The following LRRK2 variants were observed in gnomAD, a reference collection of about 807,000 sequenced individuals.
LRRK2 encodes leucine rich repeat kinase 2, also known as leucine-rich repeat serine/threonine-protein kinase 2.
Under a neutral mutation model 302.6 loss-of-function variants are expected in LRRK2, and 203 were observed. That is an observed-to-expected ratio of 0.67 (90% CI 0.60 to 0.75). The LOEUF (loss-of-function observed/expected upper bound fraction) is 0.75, where lower values mean the gene tolerates loss of function less well. Ranked by LOEUF, LRRK2 falls within the 30% of genes least tolerant of loss-of-function variation. LRRK2 has a pLI of 0.00. For synonymous variants in LRRK2, 1,066 were observed against 1,031.9 expected (o/e 1.03, Z -0.63); for missense variants, 2,830 against 2,951.0 (o/e 0.96, Z 0.95).
At position 40,246,155 on chromosome 12, in the gene LRRK2, T is replaced by A. The variant is rs181984535; in HGVS notation, c.838+2474T>A. Among the ~76,000 whole-genome samples the A allele has an allele frequency of 4.6e-5, 7 of 152,082 alleles. No homozygotes were observed. The East Asian group carries it at 1.3e-3, about 29-fold the overall frequency. Reference sequence around the variant, plus strand: ...TTTTATTTCTTCTTTGCTTTTGTTTTTTCAATGTGGGCTTTTAAATGTTTG... The same window carrying A: ...TTTTATTTCTTCTTTGCTTTTGTTTATTCAATGTGGGCTTTTAAATGTTTG... On this transcript the variant is annotated intron_variant, in intron 7 of 50. Transcript: ENST00000298910.
chr12:40,351,150 G>A (rs1001780060), intron 43 of LRRK2, among the ~76,000 whole-genome samples: 2 of 152,100 alleles, frequency 1.3e-5, no homozygotes, highest in Admixed American at 6.5e-5. Flanking sequence ...TGAAATTCCT[G>A]TTCCTTTCAA....
intron 22 of LRRK2, among the ~76,000 whole-genome samples, 191 bp downstream of exon 22, chr12:40,295,105 TTGAATA>T (rs1046556363): frequency 5.3e-5 from 8 of 152,122 alleles, no homozygotes; most frequent in African/African-American, 9.6e-5. Context: ...TTTACCTTTC[TTGAATA>T]TTATAGAACA....
In LRRK2 at chr12:40,322,640, A is replaced by G. The variant is rs552146766; in HGVS notation, c.5509+130A>G. ...AAATAGTATATTCAATTATAGGGAC[A>G]GTTCAGAAAACTGAATTATATTTAT... On this transcript the variant is annotated intron_variant, in intron 37 of 50. Transcript: ENST00000298910. The G allele has an allele frequency of 1.9e-5, 15 of 769,576 alleles. No homozygotes were observed. In the Admixed American group the frequency reaches 3.9e-4, roughly 20 times the overall value. The allele number at this position is 769,576 out of a possible 1,614,324, so 47.7% of individuals were successfully genotyped here.
In LRRK2 at chr12:40,278,270, T is replaced by C; in HGVS notation, c.2241+9T>C. On this transcript the variant is annotated intron_variant, in intron 18 of 50. Transcript: ENST00000298910. ...CTTCTTTAATTTGTCAGGTAAATAT[T>C]CAAGGCCTCACTTTTGTCTTTGCTC... The C allele has an allele frequency of 6.2e-7, 1 of 1,614,100 alleles. No individual in the cohort carries two copies. Among genetic ancestry groups the C allele is most frequent in the Non-Finnish European group, 8.5e-7 (1 of 1,179,962 alleles).
rs530061880 is a variant in LRRK2, at chr12:40,314,431, T to G, written c.4738+258T>G. On this transcript the variant is annotated intron_variant, in intron 32 of 50. Coordinates refer to ENST00000298910, the MANE Select transcript of LRRK2 (RefSeq NM_198578.4). Reference sequence around the variant, plus strand: ...GTCCCTGAGTGGGAGTTAAAATATTTGGGTTCTAGAACTTGTCTTTACTAT... The same window carrying G: ...GTCCCTGAGTGGGAGTTAAAATATTGGGGTTCTAGAACTTGTCTTTACTAT... Among the ~76,000 whole-genome samples, 9 of 152,208 alleles carry G rather than the reference T, an allele frequency of 5.9e-5. No homozygotes were observed. In the South Asian group the frequency reaches 1.9e-3, roughly 32 times the overall value.
chr12:40,314,259 A>C, intron 32 of LRRK2, 86 bp downstream of exon 32: 1 of 1,357,378 alleles, frequency 7.4e-7, no homozygotes, highest in Non-Finnish European at 1.0e-6. Context: ...ATTTACATTC[A>C]AAGTTGAGAG....
chr12:40,272,755 C>A (rs2136593623), intron 14 of LRRK2, among the ~76,000 whole-genome samples: 1 of 152,170 alleles, frequency 6.6e-6, no homozygotes, highest in South Asian at 2.1e-4. Flanking sequence ...GGATGATAAG[C>A]ACCAATTAAG....
intron 13 of LRRK2, among the ~76,000 whole-genome samples, chr12:40,260,498 A>G (rs1420176607): frequency 1.3e-5 from 2 of 151,614 alleles, no homozygotes; most frequent in African/African-American, 4.8e-5. Context: ...CATGGAGGAT[A>G]AGGAGAGGAG....
chr12:40,329,634 C>T (rs1390229635), intron 39 of LRRK2, among the ~76,000 whole-genome samples: 1 of 152,030 alleles, frequency 6.6e-6, no homozygotes, highest in African/African-American at 2.4e-5. Context: ...AGAATAGTAA[C>T]ATTCCAAATA....
chr12:40,359,174 T>C, intron 46 of LRRK2, 86 bp from the exon 47 acceptor site: 7 of 1,085,936 alleles, frequency 6.4e-6, no homozygotes, highest in Non-Finnish European at 9.4e-6. Flanking sequence ...AGATGGAAAG[T>C]AGTTTTTTGA....
At chr12:40,275,555 T>C (rs1943417225) in intron 16 of LRRK2, among the ~76,000 whole-genome samples, 2 of 152,174 alleles carry the variant, frequency 1.3e-5, no homozygotes, top group Admixed American at 6.6e-5. Flanking sequence ...AAATAGTTTT[T>C]CTTCAAGAGT....
chr12:40,293,392 C>G (rs907200286), intron 20 of LRRK2, among the ~76,000 whole-genome samples, 153 bp from the exon 21 acceptor site: 1 of 151,948 alleles, frequency 6.6e-6, no homozygotes, highest in African/African-American at 2.4e-5. Context: ...CTTATCATCT[C>G]TATTTTAAAG....
intron 16 of LRRK2, among the ~76,000 whole-genome samples, chr12:40,276,712 G>A (rs1303001261): frequency 2.6e-5 from 4 of 152,180 alleles, no homozygotes; most frequent in Admixed American, 6.5e-5. Flanking sequence ...GAGGCAGGTG[G>A]ATCACCTGTC....
At position 40,278,249 on chromosome 12, in the gene LRRK2, T is replaced by G. The variant is rs200425243; in HGVS notation, c.2229T>G (p.Ser743=). Reference sequence around the variant, plus strand: ...CCAATCAAGCAAAGGAGGGATCTTCTTTAATTTGTCAGGTAAATATTCAAG... The same window carrying G: ...CCAATCAAGCAAAGGAGGGATCTTCGTTAATTTGTCAGGTAAATATTCAAG... ...ADANQAKEGS[S]LICQVCEKES... Residue 743 remains serine, a synonymous_variant, in exon 18 of 51, where the codon TCT becomes TCG. Coordinates refer to ENST00000298910, the MANE Select transcript of LRRK2 (RefSeq NM_198578.4). The G allele has an allele frequency of 2.3e-4, 372 of 1,614,040 alleles. No individual in the cohort carries two copies. The highest frequency in any genetic ancestry group is 3.0e-4 in the Non-Finnish European group (357 of 1,180,014).
At chr12:40,348,186 G>T (rs1946251114) in intron 42 of LRRK2, among the ~76,000 whole-genome samples, 1 of 135,746 alleles carries the variant, frequency 7.4e-6, no homozygotes, top group Non-Finnish European at 1.6e-5. Context: ...TCGTTATTTG[G>T]GTCTCTTTTT....
At chr12:40,274,435 A>G in intron 14 of LRRK2, 148 bp from the exon 15 acceptor site, 1 of 759,276 alleles carries the variant, frequency 1.3e-6, no homozygotes, top group South Asian at 1.8e-5. Context: ...CATAATAAAT[A>G]AAAGTAATTA....
At position 40,269,077 on chromosome 12, in the gene LRRK2, G is replaced by A. The variant is rs550994021; in HGVS notation, c.1656+5176G>A. Among the ~76,000 whole-genome samples, 4 of 152,212 alleles carry A rather than the reference G, an allele frequency of 2.6e-5. No individual in the cohort carries two copies. The East Asian group carries it at 7.7e-4, about 29-fold the overall frequency. On this transcript the variant is annotated intron_variant, in intron 14 of 50. Transcript: ENST00000298910. ...ATTGTTATTAACGTAAATGACAACG[G>A]AACACCTTGTTGGAGGGAAATTTGG...
intron 30 of LRRK2, 22 bp from the exon 31 acceptor site, chr12:40,310,409 G>T (rs1480829088): frequency 1.2e-6 from 2 of 1,608,282 alleles, no homozygotes; most frequent in Non-Finnish European, 1.7e-6. Context: ...AACACAAGAG[G>T]GTTTTGTGTC....
At position 40,225,164 on chromosome 12, in the gene LRRK2, G is replaced by C; in HGVS notation, c.33G>C (p.Glu11Asp). The change falls in exon 1 of 51, where the codon GAG becomes GAC. Residue 11 changes from glutamate (E) to aspartate (D), a missense_variant. Physicochemically the swap from Glu to Asp is conservative, Grantham distance 45. Transcript: ENST00000298910. Reference protein sequence around the residue: MASGSCQGCEEDEETLKKLIV... With the variant: MASGSCQGCEDDEETLKKLIV... ...GTGGCAGCTGTCAGGGGTGCGAAGA[G>C]GACGAGGAAACTCTGAAGAAGTTGA... The C allele has an allele frequency of 6.2e-7, 1 of 1,614,136 alleles. No homozygotes were observed.
Sources: gnomAD v4.1 joint callset for allele counts (sites outside exome capture counted in the v4.1 genomes callset) on GRCh38, gnomAD v4.1.1 for gene constraint, MANE v1.5 for transcripts, NCBI Gene and HGNC (gene_info 2026-07-23, HGNC 2026-07-21) for gene names.